NAALADL2: variants seen among roughly 807,000 people sequenced by gnomAD.
NAALADL2 encodes inactive N-acetylated-alpha-linked acidic dipeptidase-like protein 2.
In NAALADL2, 76 loss-of-function variants were observed where a neutral mutation model predicts 87.2. The observed-to-expected ratio is 0.87, with a 90% CI of 0.72 to 1.05. NAALADL2 has a LOEUF of 1.05. Among genes scored for constraint, NAALADL2 ranks in the 50% least tolerant of loss-of-function variants. NAALADL2 has a pLI of 0.00. For missense variants in NAALADL2, 1,089 were observed against 945.8 expected, an observed-to-expected ratio of 1.15 and a Z score of -1.99; for synonymous variants, 354 against 331.0, an observed-to-expected ratio of 1.07 and a Z score of -0.75.
At chr3:174,768,895 T>G (rs1367713797) in intron 3 of NAALADL2, among the ~76,000 whole-genome samples, 1 of 152,050 alleles carries the variant, frequency 6.6e-6, no homozygotes, top group Non-Finnish European at 1.5e-5. Flanking sequence ...GTCCTTTGTA[T>G]TCACAATTTA....
At chr3:174,470,858 A>G (rs1470535141) in intron 1 of NAALADL2, among the ~76,000 whole-genome samples, 3 of 152,148 alleles carry the variant, frequency 2.0e-5, no homozygotes, top group Non-Finnish European at 2.9e-5. Context: ...TCTACTGTAT[A>G]GATGCTCCAT....
chr3:174,650,254 T>C (rs1344180495), intron 2 of NAALADL2, among the ~76,000 whole-genome samples: 3 of 152,090 alleles, frequency 2.0e-5, no homozygotes, highest in African/African-American at 4.8e-5. Flanking sequence ...ATGAGGGACA[T>C]TGAATGTCTA....
At chr3:174,694,511 A>T (rs1728853395) in intron 2 of NAALADL2, among the ~76,000 whole-genome samples, 1 of 152,092 alleles carries the variant, frequency 6.6e-6, no homozygotes, top group South Asian at 2.1e-4. Context: ...ATGAATGTTG[A>T]ATAAAAAGGC....
chr3:174,956,666 AG>A (rs1352252593), intron 1 of NAALADL2, among the ~76,000 whole-genome samples: 2 of 152,048 alleles, frequency 1.3e-5, no homozygotes, highest in Admixed American at 6.6e-5. Flanking sequence ...TATCTCTTGG[AG>A]GATCTAAAAA....
intron 11 of NAALADL2, among the ~76,000 whole-genome samples, chr3:175,664,628 A>AT (rs542591655): frequency 1.1e-4 from 17 of 152,034 alleles, no homozygotes; most frequent in Middle Eastern, 3.4e-3. Flanking sequence ...TGTATTTTTG[A>AT]TTTTTTTTGT....
At chr3:174,986,455 T>G (rs768486789) in intron 1 of NAALADL2, among the ~76,000 whole-genome samples, 5 of 151,826 alleles carry the variant, frequency 3.3e-5, no homozygotes, top group Non-Finnish European at 7.4e-5. Context: ...CAAAGCTACA[T>G]TCTTTCATTT....
intron 1 of NAALADL2, among the ~76,000 whole-genome samples, chr3:174,449,689 G>C (rs1715335418): frequency 6.6e-6 from 1 of 152,102 alleles, no homozygotes; most frequent in African/African-American, 2.4e-5. Flanking sequence ...TATGAAATAG[G>C]TATCTTCTGT....
chr3:175,041,872 T>C (rs573409450), intron 1 of NAALADL2, among the ~76,000 whole-genome samples: 28 of 152,294 alleles, frequency 1.8e-4, no homozygotes, highest in African/African-American at 6.0e-4. Context: ...GTGAAATGAT[T>C]GCCAAGATCA....
intron 12 of NAALADL2, among the ~76,000 whole-genome samples, chr3:175,749,182 G>A (rs1746308107): frequency 1.0e-5 from 1 of 97,896 alleles, no homozygotes; most frequent in African/African-American, 4.4e-5. Context: ...GAGGAGAAGG[G>A]AGAGGAGGGG....
At chr3:175,617,729 A>G (rs1725540699) in intron 10 of NAALADL2, among the ~76,000 whole-genome samples, 1 of 152,096 alleles carries the variant, frequency 6.6e-6, no homozygotes, top group African/African-American at 2.4e-5. Flanking sequence ...TGAGTAATAA[A>G]CTTGTACTTT....
chr3:175,223,913 A>G (rs1743781720), intron 2 of NAALADL2, among the ~76,000 whole-genome samples: 1 of 152,190 alleles, frequency 6.6e-6, no homozygotes, highest in South Asian at 2.1e-4. Flanking sequence ...GACTTTACAT[A>G]TGTTCTAAAA....
chr3:175,438,272 A>G lies in NAALADL2; in HGVS notation c.1091-8957A>G, dbSNP rs370870921. ...GATAGAAAATGGTAATATTTATAAC[A>G]GTGGGCTGTAAGATACTGAAATAAT... On this transcript the variant is annotated intron_variant, in intron 5 of 13. Transcript: ENST00000454872. Among the ~76,000 whole-genome samples, 6 of 152,150 alleles carry G rather than the reference A, an allele frequency of 3.9e-5. No individual in the cohort carries two copies. In the South Asian group the frequency reaches 8.3e-4, roughly 21 times the overall value.
intron 3 of NAALADL2, among the ~76,000 whole-genome samples, chr3:175,246,309 T>C (rs1168246079): frequency 6.6e-6 from 1 of 152,288 alleles, no homozygotes; most frequent in African/African-American, 2.4e-5. Context: ...ATACTTGTGA[T>C]AGTATTGTAG....
chr3:175,369,522 T>C (rs1386598064), intron 5 of NAALADL2: 1 of 152,246 alleles, frequency 6.6e-6, no homozygotes, highest in Admixed American at 6.6e-5. Context: ...TGTGCGTGTG[T>C]GTGTATGTGT....
At chr3:175,777,218 A>C (rs183787150) in intron 13 of NAALADL2, among the ~76,000 whole-genome samples, 1 of 151,828 alleles carries the variant, frequency 6.6e-6, no homozygotes, top group African/African-American at 2.4e-5. Context: ...CTCCTGTTGG[A>C]ATATTGTTTT....
intron 7 of NAALADL2, among the ~76,000 whole-genome samples, chr3:175,465,049 G>A (rs1339576809): frequency 6.6e-6 from 1 of 152,008 alleles, no homozygotes; most frequent in East Asian, 1.9e-4. Context: ...TATATGATAT[G>A]CAGAGTTTCT....
intron 9 of NAALADL2, among the ~76,000 whole-genome samples, chr3:175,571,260 AT>A (rs1388282765): frequency 6.6e-6 from 1 of 152,112 alleles, no homozygotes; most frequent in African/African-American, 2.4e-5. Context: ...CAGGTCTTCT[AT>A]GGACTTGTGG....
chr3:175,557,139 C>G (rs1356113853), intron 9 of NAALADL2, among the ~76,000 whole-genome samples: 1 of 152,214 alleles, frequency 6.6e-6, no homozygotes, highest in Non-Finnish European at 1.5e-5. Flanking sequence ...TTTCTCAACT[C>G]AAAATCTGCT....
In NAALADL2 at chr3:175,256,535, G is replaced by A. The variant is rs754466581; in HGVS notation, c.939+5G>A. 8 of 1,607,792 alleles carry A rather than the reference G, an allele frequency of 5.0e-6. No homozygotes were observed. The East Asian group carries it at 1.6e-4, about 31-fold the overall frequency. ...AAATTGCCACTGCTTTATAAGGTTG[G>A]TCCAGTGAATGTTATTCAGTGGTTT... is the stretch of plus-strand genomic sequence containing the variant. On this transcript the variant is annotated splice_donor_5th_base_variant and intron_variant, in intron 4 of 13. Coordinates refer to ENST00000454872, the MANE Select transcript of NAALADL2 (RefSeq NM_207015.3).
Sources: allele counts gnomAD v4.1 joint callset (sites outside exome capture counted in the v4.1 genomes callset), GRCh38; gene constraint gnomAD v4.1.1; transcripts MANE v1.5; gene names NCBI Gene and HGNC (gene_info 2026-07-23, HGNC 2026-07-21).